The following STOX2 variants were observed in gnomAD, a reference collection of about 807,000 sequenced individuals.
The protein encoded by STOX2 is storkhead box 2.
Under a neutral mutation model 60.9 loss-of-function variants are expected in STOX2, and 28 were observed. The ratio of observed to expected loss-of-function variants is 0.46; its 90% CI spans 0.34 to 0.63. STOX2 has a LOEUF of 0.63. Ranked by LOEUF, STOX2 falls within the 30% of genes least tolerant of loss-of-function variation. STOX2 has a pLI of 0.01. For synonymous variants in STOX2, 472 were observed against 463.9 expected, an observed-to-expected ratio of 1.02 and a Z score of -0.22; for missense variants, 1,024 against 1,187.7, an observed-to-expected ratio of 0.86 and a Z score of 2.03.
rs1042967230 is a variant in STOX2 at position 184,017,574 on chromosome 4, G to A, written c.*290G>A. 4.8e-5 allele frequency: 11 copies of A among 229,928 alleles called. No homozygotes were observed. The highest frequency in any genetic ancestry group is 2.1e-4 in the African/African-American group (9 of 43,810). 14.2% of individuals were successfully genotyped at this position (229,928 alleles called of 1,614,324 possible). On this transcript the variant is annotated 3_prime_UTR_variant, in exon 4 of 4. Coordinates refer to ENST00000308497, the MANE Select transcript of STOX2 (RefSeq NM_020225.3). ...ATAGGAAAGTCTAGACACTGTAAGT[G>A]TAATACGCATTTTCAATGTCATGCA...
intron 1 of STOX2, among the ~76,000 whole-genome samples, chr4:183,991,540 G>A (rs1051376985): frequency 4.6e-5 from 7 of 151,672 alleles, no homozygotes; most frequent in Middle Eastern, 3.4e-3. Context: ...TGATTCTCCC[G>A]CCTCAGCCAC....
In STOX2 at chr4:183,888,425, G is replaced by A. The variant is rs569508655; in HGVS notation, c.364+90370G>A. ...CTCACACAGCTAGTCAGTGGCTAGC[G>A]CACTTTACCTAGGCAGGCTGGCTCT... On this transcript the variant is annotated intron_variant, in intron 1 of 2. Coordinates refer to the STOX2 transcript ENST00000513034. Among the ~76,000 whole-genome samples, 26 of 152,250 alleles carry A rather than the reference G, an allele frequency of 1.7e-4. No homozygotes were observed. In the East Asian group the frequency reaches 2.5e-3, roughly 15 times the overall value.
At chr4:183,935,380 T>C (rs1742563881) in intron 1 of STOX2, among the ~76,000 whole-genome samples, 1 of 152,222 alleles carries the variant, frequency 6.6e-6, no homozygotes, top group Non-Finnish European at 1.5e-5. Flanking sequence ...AAGATCGTAT[T>C]TAGGTTTGTC....
intron 1 of STOX2, among the ~76,000 whole-genome samples, chr4:183,876,989 C>T (rs957524805): frequency 6.6e-6 from 1 of 152,066 alleles, no homozygotes; most frequent in African/African-American, 2.4e-5. Flanking sequence ...ATGTGTGGCC[C>T]CTCTATAGGG....
chr4:183,929,060 C>T (rs1051028978), intron 1 of STOX2, among the ~76,000 whole-genome samples: 3 of 152,116 alleles, frequency 2.0e-5, no homozygotes, highest in Non-Finnish European at 1.5e-5. Flanking sequence ...TTTCACTTGC[C>T]GTCTTAATTT....
intron 1 of STOX2, among the ~76,000 whole-genome samples, chr4:183,859,234 G>T (rs1285793414): frequency 6.6e-6 from 1 of 152,124 alleles, no homozygotes; most frequent in Non-Finnish European, 1.5e-5. Context: ...AGTGTTGTAG[G>T]GTGTCACATG....
chr4:183,906,701 G>C lies in STOX2; in HGVS notation c.-90G>C. On this transcript the variant is annotated 5_prime_UTR_variant, in exon 1 of 4. Coordinates refer to ENST00000308497, the MANE Select transcript of STOX2 (RefSeq NM_020225.3). ...GGGAAAATGTGCGCAGAGTCCGCCC[G>C]GGTCGTGCCCGCCGTAGACGGATGA... 1 of 1,352,958 alleles carries C rather than the reference G, an allele frequency of 7.4e-7. No homozygotes were observed. Among genetic ancestry groups the C allele is most frequent in the Non-Finnish European group, 9.8e-7 (1 of 1,020,074 alleles). The allele number at this position is 1,352,958 out of a possible 1,614,324, so 83.8% of individuals were successfully genotyped here. A position where few individuals can be genotyped will look rare whatever the true frequency, so the allele number is the denominator to read the frequency against.
rs1740292654 is a variant in STOX2, at chr4:183,856,654, TCGGAC to T, written c.364+58600_364+58604del. Among the ~76,000 whole-genome samples, 1 of 152,142 alleles carries T rather than the reference TCGGAC, an allele frequency of 6.6e-6. No homozygotes were observed. The highest frequency in any genetic ancestry group is 6.5e-5 in the Admixed American group (1 of 15,274). On this transcript the variant is annotated intron_variant, in intron 1 of 2. Coordinates refer to the STOX2 transcript ENST00000513034. The surrounding 1 kb of genome is among the most constrained non-coding windows in gnomAD (Gnocchi z 4.0). ...GAACATCGCTTTGCAGTTAGCTGTC[TCGGAC>T]TCGGACCCCGGGGGATGATAGCTCC...
chr4:183,945,703 G>C (rs778225823), intron 1 of STOX2, among the ~76,000 whole-genome samples: 2 of 152,198 alleles, frequency 1.3e-5, no homozygotes, highest in Non-Finnish European at 2.9e-5. Context: ...CGTGGGTACA[G>C]CAAAGTTGTT....
chr4:183,899,610 A>G (rs929993143), intron 1 of STOX2, among the ~76,000 whole-genome samples: 6 of 152,236 alleles, frequency 3.9e-5, no homozygotes, highest in African/African-American at 1.2e-4. Flanking sequence ...ACTAGCTTCA[A>G]TTCTCTGAAG....
chr4:183,862,946 G>T (rs1740483345), intron 1 of STOX2, among the ~76,000 whole-genome samples: 1 of 152,088 alleles, frequency 6.6e-6, no homozygotes, highest in Admixed American at 6.5e-5. Flanking sequence ...ACACTGGGAG[G>T]GCCTAAGGCT....
chr4:183,953,855 C>T (rs1039405180), intron 1 of STOX2, among the ~76,000 whole-genome samples: 1 of 152,114 alleles, frequency 6.6e-6, no homozygotes, highest in African/African-American at 2.4e-5. Flanking sequence ...CATGAGCCAC[C>T]ACACTCGACC....
chr4:183,972,493 C>T (rs760568905), intron 1 of STOX2, among the ~76,000 whole-genome samples: 12 of 152,140 alleles, frequency 7.9e-5, no homozygotes, highest in Non-Finnish European at 1.8e-4. Flanking sequence ...GCATTACAAA[C>T]GCTTTGAGAG....
intron 1 of STOX2, among the ~76,000 whole-genome samples, chr4:183,927,419 T>C (rs1302470699): frequency 6.6e-6 from 1 of 152,196 alleles, no homozygotes. Flanking sequence ...GAACAGTTAT[T>C]GTTATTAATA....
intron 1 of STOX2, among the ~76,000 whole-genome samples, chr4:183,970,995 G>T (rs1743726591): frequency 6.6e-6 from 1 of 152,150 alleles, no homozygotes; most frequent in African/African-American, 2.4e-5. Flanking sequence ...AACCGTTGGG[G>T]TCATATCCCC....
intron 1 of STOX2, among the ~76,000 whole-genome samples, chr4:183,847,894 T>C (rs2111137590): frequency 6.6e-6 from 1 of 152,282 alleles, no homozygotes; most frequent in Non-Finnish European, 1.5e-5. Context: ...AAATAGTGTG[T>C]ATATAAAAGA....
At chr4:183,945,635 C>T (rs1742866194) in intron 1 of STOX2, among the ~76,000 whole-genome samples, 5 of 152,182 alleles carry the variant, frequency 3.3e-5, no homozygotes. Context: ...GAAAACAAAG[C>T]AGGTTCCATT....
chr4:183,977,270 C>T (rs913464169), intron 1 of STOX2, among the ~76,000 whole-genome samples: 1 of 152,052 alleles, frequency 6.6e-6, no homozygotes, highest in Non-Finnish European at 1.5e-5. Flanking sequence ...TTCCACCCTG[C>T]AATAACTTTT....
chr4:183,993,833 G>C lies in STOX2; in HGVS notation c.167-7492G>C, dbSNP rs79638144. 5.5e-3 allele frequency among the ~76,000 whole-genome samples: 838 copies of C among 152,302 alleles called. 8 individuals are homozygous for C. The highest frequency in any genetic ancestry group is 0.019 in the African/African-American group (808 of 41,568). ...AATAGTCATCTGGTTTCAAAGGAAA[G>C]CTGCTTAAAACGCAGGAGCATGTGA... On this transcript the variant is annotated intron_variant, in intron 1 of 3. Transcript: ENST00000308497.
Sources: gnomAD v4.1 joint callset for allele counts (sites outside exome capture counted in the v4.1 genomes callset) on GRCh38, gnomAD v4.1.1 for gene constraint, Gnocchi (gnomAD v3.1) non-coding constraint, MANE v1.5 for transcripts, NCBI Gene and HGNC (gene_info 2026-07-23, HGNC 2026-07-21) for gene names.